The following MATCAP2 variants were observed in gnomAD, a reference collection of about 807,000 sequenced individuals.
The protein encoded by MATCAP2 is putative tyrosine carboxypeptidase MATCAP2.
At chr7:36,347,474 G>C in the MATCAP2 span, among the ~76,000 whole-genome samples, 1 of 152,192 alleles carries the variant, frequency 6.6e-6, no homozygotes, top group Non-Finnish European at 1.5e-5. Context: ...CTAGAAGTCA[G>C]AAGACCTGGT....
chr7:36,336,209 G>C, the MATCAP2 span: 1 of 1,536,262 alleles, frequency 6.5e-7, no homozygotes, highest in Admixed American at 2.0e-5. Context: ...CCAGATTCGA[G>C]TTTTAGAGAG....
chr7:36,336,180 T>C, the MATCAP2 span: 2 of 1,536,398 alleles, frequency 1.3e-6, no homozygotes, highest in Non-Finnish European at 8.7e-7. Flanking sequence ...TCCTTCATCA[T>C]GTACTTCCTA....
chr7:36,343,599 GGAAGGAAA>G, the MATCAP2 span, among the ~76,000 whole-genome samples: 1 of 113,138 alleles, frequency 8.8e-6, no homozygotes, highest in African/African-American at 3.3e-5. Flanking sequence ...GAGGTGGAAA[GGAAGGAAA>G]GAAGGAGAGA....
the MATCAP2 span, among the ~76,000 whole-genome samples, chr7:36,383,413 C>A: frequency 6.6e-6 from 1 of 152,150 alleles, no homozygotes; most frequent in African/African-American, 2.4e-5. Flanking sequence ...GGAACCAACC[C>A]AAATGCCCAT....
At chr7:36,357,735 A>T in the MATCAP2 span, 46 of 640,808 alleles carry the variant, frequency 7.2e-5, no homozygotes, top group Non-Finnish European at 1.1e-4. Context: ...AAATATTAAA[A>T]GGATATATTA....
At chr7:36,326,273 G>C in the MATCAP2 span, 1 of 152,012 alleles carries the variant, frequency 6.6e-6, no homozygotes, top group Non-Finnish European at 1.5e-5. Flanking sequence ...AAAGAAATAA[G>C]AAAGCTGAGA....
At chr7:36,366,901 C>G in the MATCAP2 span, 3 of 1,462,906 alleles carry the variant, frequency 2.1e-6, no homozygotes, top group South Asian at 1.4e-5. Flanking sequence ...GCGGCCAGCC[C>G]TTCCCGGCAC....
chr7:36,352,648 G>A, the MATCAP2 span, among the ~76,000 whole-genome samples: 5 of 151,602 alleles, frequency 3.3e-5, no homozygotes, highest in Non-Finnish European at 5.9e-5. Context: ...GCCAACAGAT[G>A]AGGTGAAATG....
the MATCAP2 span, among the ~76,000 whole-genome samples, chr7:36,344,970 A>C: frequency 2.0e-5 from 3 of 152,190 alleles, no homozygotes; most frequent in African/African-American, 4.8e-5. Flanking sequence ...AGAACATCTT[A>C]ATGTACACAC....
the MATCAP2 span, among the ~76,000 whole-genome samples, chr7:36,369,263 G>A: frequency 1.5e-3 from 227 of 152,284 alleles, no homozygotes; most frequent in African/African-American, 5.2e-3. Context: ...TGGACCAATA[G>A]ACGAAGAACA....
chr7:36,360,463 C>T, the MATCAP2 span, among the ~76,000 whole-genome samples: 6 of 152,262 alleles, frequency 3.9e-5, no homozygotes, highest in East Asian at 1.2e-3. Flanking sequence ...TAGCACGAGT[C>T]CTTTTGAAGC....
the MATCAP2 span, among the ~76,000 whole-genome samples, chr7:36,328,680 G>A: frequency 1.5e-4 from 23 of 152,140 alleles, no homozygotes; most frequent in Admixed American, 3.3e-4. Context: ...GGAGACGGGA[G>A]GTTGCAGTGA....
the MATCAP2 span, among the ~76,000 whole-genome samples, chr7:36,330,513 T>G: frequency 6.6e-6 from 1 of 152,184 alleles, no homozygotes; most frequent in Non-Finnish European, 1.5e-5. Context: ...CTTGATTGGA[T>G]CTCAGATCAC....
the MATCAP2 span, among the ~76,000 whole-genome samples, chr7:36,388,873 A>G: frequency 6.6e-6 from 1 of 152,230 alleles, no homozygotes; most frequent in African/African-American, 2.4e-5. Flanking sequence ...TGGAATTTAA[A>G]ATAAAAAATT....
At chr7:36,348,282 A>G in the MATCAP2 span, among the ~76,000 whole-genome samples, 20 of 152,312 alleles carry the variant, frequency 1.3e-4, no homozygotes, top group East Asian at 1.7e-3. Flanking sequence ...TGATTACTCA[A>G]TCAGATCATT....
chr7:36,353,935 C>T, the MATCAP2 span, among the ~76,000 whole-genome samples: 9 of 152,290 alleles, frequency 5.9e-5, no homozygotes, highest in Non-Finnish European at 1.0e-4. Flanking sequence ...TGCTCAAGAG[C>T]ACCACTAAGA....
At chr7:36,338,776 G>A in the MATCAP2 span, among the ~76,000 whole-genome samples, 1 of 152,194 alleles carries the variant, frequency 6.6e-6, no homozygotes, top group South Asian at 2.1e-4. Flanking sequence ...CTCTAAGGGT[G>A]GCCACCTATG....
At chr7:36,330,850 C>T in the MATCAP2 span, 8 of 548,390 alleles carry the variant, frequency 1.5e-5, no homozygotes, top group Admixed American at 5.7e-5. Context: ...CCTCTTGATA[C>T]GACATAAAGA....
chr7:36,342,781 C>T, the MATCAP2 span, among the ~76,000 whole-genome samples: 7 of 152,250 alleles, frequency 4.6e-5, no homozygotes, highest in African/African-American at 7.2e-5. Context: ...CATGCTGCCA[C>T]GCCCATCTAA....
Sources: gnomAD v4.1 joint callset for allele counts (sites outside exome capture counted in the v4.1 genomes callset) on GRCh38, gnomAD v4.1.1 for gene constraint, MANE v1.5 for transcripts, NCBI Gene and HGNC (gene_info 2026-07-23, HGNC 2026-07-21) for gene names.